PCDH9: variants seen among roughly 807,000 people sequenced by gnomAD.
PCDH9 encodes protocadherin-9.
PCDH9 carries 24 observed loss-of-function variants against 70.6 expected under a neutral mutation model. The observed-to-expected ratio is 0.34, with a 90% CI of 0.25 to 0.48. The LOEUF is 0.48. PCDH9 is among the 20% of genes least tolerant of loss of function. The pLI is 0.99. For missense variants in PCDH9, 1,281 were observed against 1,503.6 expected (o/e 0.85, Z 2.45); for synonymous variants, 562 against 558.5 (o/e 1.01, Z -0.09).
chr13:66,979,099 G>C (rs534482402), intron 2 of PCDH9, among the ~76,000 whole-genome samples: 1 of 152,176 alleles, frequency 6.6e-6, no homozygotes, highest in Admixed American at 6.5e-5. Flanking sequence ...GTTTCGACAA[G>C]TTATAAGTGT....
chr13:66,516,440 C>T (rs1352097072), intron 4 of PCDH9, among the ~76,000 whole-genome samples: 1 of 151,974 alleles, frequency 6.6e-6, no homozygotes, highest in Non-Finnish European at 1.5e-5. Context: ...TTGATATCTG[C>T]ACTCTAATAT....
At chr13:66,928,767 T>C (rs550710841) in intron 2 of PCDH9, among the ~76,000 whole-genome samples, 1 of 152,204 alleles carries the variant, frequency 6.6e-6, no homozygotes, top group East Asian at 1.9e-4. Context: ...CCTCCACAAC[T>C]GTGAGAAATA....
chr13:66,984,413 A>T (rs796995562), intron 2 of PCDH9, among the ~76,000 whole-genome samples: 7 of 152,258 alleles, frequency 4.6e-5, no homozygotes, highest in African/African-American at 1.7e-4. Flanking sequence ...TCCATAACAG[A>T]TTTGCATGTG....
intron 2 of PCDH9, among the ~76,000 whole-genome samples, chr13:66,978,804 G>A (rs941185277): frequency 9.7e-5 from 6 of 61,722 alleles, no homozygotes; most frequent in Non-Finnish European, 1.7e-4. Context: ...GTACATAAAT[G>A]TATGTATATA....
intron 2 of PCDH9, among the ~76,000 whole-genome samples, chr13:67,192,834 T>C (rs1399071086): frequency 1.3e-5 from 2 of 152,176 alleles, no homozygotes; most frequent in African/African-American, 2.4e-5. Flanking sequence ...TGGTCCCTTG[T>C]ATCTTTGCCA....
At chr13:66,647,746 G>A (rs966027361) in intron 3 of PCDH9, among the ~76,000 whole-genome samples, 1 of 152,130 alleles carries the variant, frequency 6.6e-6, no homozygotes, top group Non-Finnish European at 1.5e-5. Context: ...ACATCAAGTG[G>A]GTTCTTGGGT....
At chr13:66,853,450 GA>G (rs1287939357) in intron 3 of PCDH9, among the ~76,000 whole-genome samples, 4 of 152,004 alleles carry the variant, frequency 2.6e-5, no homozygotes, top group Non-Finnish European at 5.9e-5. Flanking sequence ...CTTTGATCTG[GA>G]GGAGTCTCCA....
intron 4 of PCDH9, among the ~76,000 whole-genome samples, chr13:66,397,018 C>G (rs1566294544): frequency 6.6e-6 from 1 of 151,992 alleles, no homozygotes; most frequent in South Asian, 2.1e-4. Context: ...ACATCCACTC[C>G]AAGAGAACAT....
At chr13:67,211,439 T>C (rs2089465643) in intron 2 of PCDH9, 1 of 152,046 alleles carries the variant, frequency 6.6e-6, no homozygotes, top group Admixed American at 6.6e-5. Flanking sequence ...AATGTGCAGG[T>C]GAGGCATTAT....
chr13:66,378,661 G>A (rs1566280902), intron 4 of PCDH9, among the ~76,000 whole-genome samples: 1 of 152,114 alleles, frequency 6.6e-6, no homozygotes, highest in Non-Finnish European at 1.5e-5. Flanking sequence ...AGTTATTCTT[G>A]TAAATAAGTA....
At chr13:66,426,912 A>T (rs7325383) in intron 4 of PCDH9, among the ~76,000 whole-genome samples, 1 of 151,176 alleles carries the variant, frequency 6.6e-6, no homozygotes, top group African/African-American at 2.4e-5. Flanking sequence ...TTTTATATTA[A>T]GTATAATTAC....
chr13:66,603,098 G>A (rs1427181935), intron 4 of PCDH9, among the ~76,000 whole-genome samples: 3 of 145,842 alleles, frequency 2.1e-5, no homozygotes, highest in East Asian at 1.9e-4. Context: ...CATCCCCATC[G>A]TTAAGTGATG....
chr13:66,827,263 AC>A (rs2080839971), intron 3 of PCDH9, among the ~76,000 whole-genome samples: 1 of 151,008 alleles, frequency 6.6e-6, no homozygotes, highest in African/African-American at 2.4e-5. Flanking sequence ...TGGTCTTCTG[AC>A]CTCCCTCACT....
At chr13:67,228,671 A>G (rs961022540) in intron 1 of PCDH9, 96 bp from the exon 2 acceptor site, 1 of 381,442 alleles carries the variant, frequency 2.6e-6, no homozygotes, top group Non-Finnish European at 4.7e-6. Context: ...ACATTAGTAA[A>G]CATGGCAGTT....
intron 4 of PCDH9, among the ~76,000 whole-genome samples, chr13:66,444,719 C>T (rs555470243): frequency 3.9e-5 from 6 of 151,922 alleles, no homozygotes; most frequent in Non-Finnish European, 8.8e-5. Context: ...TGCCACCAGG[C>T]CTGGCTAATT....
intron 2 of PCDH9, among the ~76,000 whole-genome samples, chr13:67,122,718 G>T (rs1247384858): frequency 6.6e-6 from 1 of 151,352 alleles, no homozygotes; most frequent in South Asian, 2.1e-4. Context: ...AGGTTGCAGG[G>T]AGCTGAGATC....
At chr13:66,933,748 C>T (rs543180245) in intron 2 of PCDH9, among the ~76,000 whole-genome samples, 1 of 152,106 alleles carries the variant, frequency 6.6e-6, no homozygotes, top group South Asian at 2.1e-4. Context: ...TCTTAGAACC[C>T]CGTGAAGTGT....
chr13:67,167,501 C>T (rs2088152152), intron 2 of PCDH9, among the ~76,000 whole-genome samples: 1 of 152,236 alleles, frequency 6.6e-6, no homozygotes, highest in African/African-American at 2.4e-5. Context: ...AGCCACTTTT[C>T]ATCAAACTTT....
chr13:67,144,527 G>A (rs2087473965), intron 2 of PCDH9, among the ~76,000 whole-genome samples: 2 of 152,060 alleles, frequency 1.3e-5, no homozygotes, highest in South Asian at 4.1e-4. Flanking sequence ...CTGGGAACAA[G>A]TACATGAATT....
Sources: gnomAD v4.1 joint callset for allele counts (sites outside exome capture counted in the v4.1 genomes callset) on GRCh38, gnomAD v4.1.1 for gene constraint, MANE v1.5 for transcripts, NCBI Gene and HGNC (gene_info 2026-07-23, HGNC 2026-07-21) for gene names.